Variants in DNAJC3 observed in about 807,000 individuals in gnomAD.
The protein encoded by DNAJC3 is dnaJ homolog subfamily C member 3.
DNAJC3 carries 38 observed loss-of-function variants against 68.6 expected under a neutral mutation model. That is an observed-to-expected ratio of 0.55 (90% confidence interval 0.43 to 0.73). The LOEUF (loss-of-function observed/expected upper bound fraction) is 0.73. Among genes scored for constraint, DNAJC3 ranks in the 30% least tolerant of loss-of-function variants. DNAJC3 has a pLI of 0.00. For synonymous variants in DNAJC3, 203 were observed against 204.0 expected, an observed-to-expected ratio of 1.00 and a Z score of 0.04; for missense variants, 526 against 591.9, an observed-to-expected ratio of 0.89 and a Z score of 1.16.
chr13:95,689,301 T>A (rs1002879008), intron 1 of DNAJC3, among the ~76,000 whole-genome samples: 1 of 151,914 alleles, frequency 6.6e-6, no homozygotes, highest in South Asian at 2.1e-4. Context: ...TATTCAGGAT[T>A]TCTGTTTCTT....
In DNAJC3 at chr13:95,763,972, G is replaced by T; in HGVS notation, c.1075+19G>T. 1 of 1,612,596 alleles carries T rather than the reference G, an allele frequency of 6.2e-7. No homozygotes were observed. Among genetic ancestry groups the T allele is most frequent in the South Asian group, 1.1e-5 (1 of 90,592 alleles). The stretch of plus-strand genomic sequence containing the variant: ...GATGAAGGTAAATCTTTAAGGATTT[G>T]ATTTGCAGTACCGAAGTGTTGATTA... On this transcript the variant is annotated intron_variant, in intron 9 of 11. Coordinates refer to ENST00000602402, the MANE Select transcript of DNAJC3 (RefSeq NM_006260.5).
At chr13:95,772,028 G>C (rs1883172760) in intron 9 of DNAJC3, among the ~76,000 whole-genome samples, 1 of 152,178 alleles carries the variant, frequency 6.6e-6, no homozygotes, top group Non-Finnish European at 1.5e-5. Context: ...ATAGTAAATA[G>C]AGACCCTGCG....
intron 4 of DNAJC3, among the ~76,000 whole-genome samples, chr13:95,735,635 G>A (rs1403892354): frequency 2.0e-5 from 3 of 150,476 alleles, no homozygotes; most frequent in African/African-American, 7.4e-5. Flanking sequence ...AGAAGTGTCT[G>A]TTCATGTCCT....
chr13:95,750,914 G>A (rs1302496530), intron 4 of DNAJC3, among the ~76,000 whole-genome samples: 1 of 152,094 alleles, frequency 6.6e-6, no homozygotes, highest in Non-Finnish European at 1.5e-5. Context: ...TCTCTAGTGG[G>A]AAGTTATCTG....
intron 9 of DNAJC3, among the ~76,000 whole-genome samples, chr13:95,781,967 C>G (rs1594028294): frequency 1.3e-5 from 2 of 152,250 alleles, no homozygotes; most frequent in East Asian, 3.9e-4. Flanking sequence ...CCCCTACCTC[C>G]CCACGGGCCC....
intron 1 of DNAJC3, among the ~76,000 whole-genome samples, chr13:95,698,995 A>G (rs1880521080): frequency 1.3e-5 from 2 of 152,262 alleles, no homozygotes; most frequent in South Asian, 4.1e-4. Context: ...GTGCATTTTG[A>G]AGGATTGCCC....
At chr13:95,765,616 G>A (rs1312040823) in intron 9 of DNAJC3, among the ~76,000 whole-genome samples, 5 of 135,812 alleles carry the variant, frequency 3.7e-5, no homozygotes, top group Non-Finnish European at 7.6e-5. Context: ...CTGTTACCCA[G>A]GCTGGAGTGC....
intron 1 of DNAJC3, among the ~76,000 whole-genome samples, chr13:95,692,255 TG>T (rs1204725781): frequency 6.6e-6 from 1 of 152,188 alleles, no homozygotes; most frequent in Non-Finnish European, 1.5e-5. Flanking sequence ...TTGTGGTTGT[TG>T]GATAGAATGT....
At chr13:95,757,219 G>A (rs561461619) in intron 4 of DNAJC3, among the ~76,000 whole-genome samples, 1 of 151,670 alleles carries the variant, frequency 6.6e-6, no homozygotes, top group East Asian at 1.9e-4. Flanking sequence ...GTTTCCCTAT[G>A]TGTTTCATTA....
At chr13:95,756,680 A>G (rs1882674586) in intron 4 of DNAJC3, among the ~76,000 whole-genome samples, 1 of 152,184 alleles carries the variant, frequency 6.6e-6, no homozygotes, top group Admixed American at 6.5e-5. Flanking sequence ...CTAACCCAAA[A>G]TTGGAACCCT....
intron 1 of DNAJC3, among the ~76,000 whole-genome samples, chr13:95,681,127 C>G (rs769546765): frequency 2.6e-5 from 4 of 152,192 alleles, no homozygotes; most frequent in Non-Finnish European, 4.4e-5. Context: ...TTCACGTCCT[C>G]TTTTTCTCCT....
chr13:95,769,151 A>G (rs1451731649), intron 9 of DNAJC3, among the ~76,000 whole-genome samples: 4 of 152,218 alleles, frequency 2.6e-5, no homozygotes, highest in Non-Finnish European at 5.9e-5. Context: ...ATTGGTTTCT[A>G]TTCCTTATGA....
intron 4 of DNAJC3, among the ~76,000 whole-genome samples, chr13:95,726,560 A>G (rs920451052): frequency 4.0e-4 from 61 of 152,200 alleles, no homozygotes; most frequent in African/African-American, 1.4e-3. Flanking sequence ...TTTTGCAGTC[A>G]TCCATTATGG....
At chr13:95,698,369 T>G (rs1880503171) in intron 1 of DNAJC3, among the ~76,000 whole-genome samples, 1 of 152,202 alleles carries the variant, frequency 6.6e-6, no homozygotes, top group Non-Finnish European at 1.5e-5. Flanking sequence ...CCCCATCCCC[T>G]GAGCTTCTGT....
At position 95,794,080 on chromosome 13, in the gene DNAJC3, T is replaced by C. The variant is rs1227067219; in HGVS notation, c.*3050T>C. ...CTAATGTGAATCAGATGTAACGTAC[T>C]ACTAATTCTACAATGCCTTTCTCTT... On this transcript the variant is annotated 3_prime_UTR_variant, in exon 12 of 12. Coordinates refer to ENST00000602402, the MANE Select transcript of DNAJC3 (RefSeq NM_006260.5). The C allele has an allele frequency of 6.6e-6, 1 of 152,224 alleles. No individual in the cohort carries two copies. The highest frequency in any genetic ancestry group is 1.9e-4 in the East Asian group (1 of 5,196). 9.4% of individuals were successfully genotyped at this position (152,224 alleles called of 1,614,324 possible). A position where few individuals can be genotyped will look rare whatever the true frequency, so the allele number is the denominator to read the frequency against.
chr13:95,790,549 T>G (rs1411041338), intron 11 of DNAJC3, among the ~76,000 whole-genome samples: 1 of 152,204 alleles, frequency 6.6e-6, no homozygotes, highest in Admixed American at 6.5e-5. Flanking sequence ...TGGAAGTTTC[T>G]CTTGAATTAT....
At chr13:95,745,821 A>G (rs1257672696) in intron 4 of DNAJC3, 1 of 152,216 alleles carries the variant, frequency 6.6e-6, no homozygotes, top group Non-Finnish European at 1.5e-5. Context: ...GTTGTATTCA[A>G]TACACTTTGA....
At chr13:95,701,131 G>A (rs563138104) in intron 1 of DNAJC3, among the ~76,000 whole-genome samples, 2 of 152,248 alleles carry the variant, frequency 1.3e-5, no homozygotes, top group South Asian at 2.1e-4. Flanking sequence ...GGAATCCCCC[G>A]AGGGCTGTCC....
intron 1 of DNAJC3, among the ~76,000 whole-genome samples, chr13:95,692,297 T>C (rs989161587): frequency 6.6e-6 from 1 of 152,176 alleles, no homozygotes; most frequent in Admixed American, 6.5e-5. Context: ...CCATTTGGTT[T>C]AGAGTTTAGT....
Sources: allele counts gnomAD v4.1 joint callset (sites outside exome capture counted in the v4.1 genomes callset), GRCh38; gene constraint gnomAD v4.1.1; transcripts MANE v1.5; gene names NCBI Gene and HGNC (gene_info 2026-07-23, HGNC 2026-07-21).